ARHGAP6: variants seen among roughly 807,000 people sequenced by gnomAD.
ARHGAP6 encodes Rho GTPase activating protein 6.
ARHGAP6 carries 16 observed loss-of-function variants against 55.7 expected under a neutral mutation model. The ratio of observed to expected loss-of-function variants is 0.29; its 90% CI spans 0.19 to 0.44. The LOEUF is 0.44. Ranked by LOEUF, ARHGAP6 falls within the 20% of genes least tolerant of loss-of-function variation. The probability of loss-of-function intolerance (pLI) is 1.00; values close to 1 mark genes in which losing one functional copy is unlikely to be tolerated. For missense variants in ARHGAP6, 698 were observed against 808.9 expected, an observed-to-expected ratio of 0.86 and a Z score of 1.66; for synonymous variants, 382 against 360.9, an observed-to-expected ratio of 1.06 and a Z score of -0.66.
chrX:11,338,881 C>T (rs766418857), intron 1 of ARHGAP6, among the ~76,000 whole-genome samples: 43 of 112,112 alleles, frequency 3.8e-4, no homozygotes, highest in African/African-American at 8.8e-4. Context: ...TTTTGCTATA[C>T]GCACCCCTTT....
At chrX:11,405,088 G>A (rs1167144563) in intron 1 of ARHGAP6, among the ~76,000 whole-genome samples, 1 of 111,811 alleles carries the variant, frequency 8.9e-6, no homozygotes, top group Non-Finnish European at 1.9e-5. Flanking sequence ...AATATAAGGG[G>A]CTGCTGGCTG....
intron 8 of ARHGAP6, among the ~76,000 whole-genome samples, chrX:11,175,499 T>A (rs922862883): frequency 8.9e-6 from 1 of 111,944 alleles, no homozygotes; most frequent in African/African-American, 3.3e-5. Context: ...TCTCAACCAC[T>A]CTTCAAGGCT....
At chrX:11,603,893 T>C (rs1290690269) in intron 1 of ARHGAP6, among the ~76,000 whole-genome samples, 1 of 111,901 alleles carries the variant, frequency 8.9e-6, no homozygotes, top group Non-Finnish European at 1.9e-5. Context: ...CTATCAAAAA[T>C]GCTAACCCAA....
chrX:11,338,914 C>T (rs2048671436), intron 1 of ARHGAP6, among the ~76,000 whole-genome samples: 1 of 111,844 alleles, frequency 8.9e-6, no homozygotes, highest in East Asian at 2.8e-4. Context: ...CTTCACTAGC[C>T]ACTTGCTCTA....
intron 2 of ARHGAP6, among the ~76,000 whole-genome samples, chrX:11,219,369 A>G (rs200576574): frequency 0.052 from 4,551 of 87,399 alleles, 142 homozygotes; most frequent in Middle Eastern, 0.092. Flanking sequence ...TGTCTTTATA[A>G]CAGCATGATT....
intron 1 of ARHGAP6, among the ~76,000 whole-genome samples, chrX:11,567,815 T>C (rs2051463461): frequency 9.1e-6 from 1 of 109,989 alleles, no homozygotes; most frequent in South Asian, 3.9e-4. Flanking sequence ...GCTACAGGCA[T>C]GTACCACCAC....
chrX:11,193,133 G>A (rs776187328), intron 3 of ARHGAP6, among the ~76,000 whole-genome samples: 4 of 112,208 alleles, frequency 3.6e-5, no homozygotes, highest in Admixed American at 1.9e-4. Flanking sequence ...GTATATCAAG[G>A]CAATTAAATA....
chrX:11,639,526 T>G (rs1304513457), intron 1 of ARHGAP6, among the ~76,000 whole-genome samples: 1 of 111,272 alleles, frequency 9.0e-6, no homozygotes, highest in Non-Finnish European at 1.9e-5. Flanking sequence ...TCCATGTTCC[T>G]GCAAAGGAAG....
rs1235635843 is a variant in ARHGAP6 at position 11,142,313 on chromosome X, T to A, written c.2177A>T (p.Asp726Val). 1 of 1,181,884 alleles carries A rather than the reference T, an allele frequency of 8.5e-7. No individual in the cohort carries two copies. The highest frequency in any genetic ancestry group is 1.1e-6 in the Non-Finnish European group (1 of 877,211). ...GATATCGAAAGGCTCCTCTGACAGA[T>A]CTAGGGAAAAAGTGTATAAAAAGGT... is the stretch of plus-strand genomic sequence containing the variant. ...ESSPGPRLGK[D>V]LSEEPFDIWG... Residue 726 changes from aspartate (D) to valine (V), a missense_variant and splice_region_variant, in exon 12 of 13, where the codon GAT (aspartate) becomes GTT (valine). Physicochemically the swap from Asp to Val is radical, Grantham distance 152. Around this residue, in one of 3 missense-constraint regions of ARHGAP6, gnomAD observed 322 missense variants for 451.1 expected, o/e 0.71. Transcript: ENST00000337414.
intron 1 of ARHGAP6, among the ~76,000 whole-genome samples, chrX:11,365,545 TTAAG>T (rs1408159528): frequency 5.3e-5 from 6 of 112,631 alleles, no homozygotes; most frequent in African/African-American, 1.9e-4. Context: ...CTTAGCAATA[TTAAG>T]TAACGTATAT....
At chrX:11,599,232 C>T (rs2051941090) in intron 1 of ARHGAP6, among the ~76,000 whole-genome samples, 2 of 111,366 alleles carry the variant, frequency 1.8e-5, no homozygotes, top group African/African-American at 6.5e-5. Context: ...GCAGGTATCT[C>T]TCTGAGATCC....
At chrX:11,362,734 G>A (rs2049028956) in intron 1 of ARHGAP6, among the ~76,000 whole-genome samples, 1 of 110,584 alleles carries the variant, frequency 9.0e-6, no homozygotes, top group Non-Finnish European at 1.9e-5. Context: ...TTCCTCCCTT[G>A]TCTTCTAAGA....
chrX:11,358,384 C>T (rs2048959380), intron 1 of ARHGAP6, among the ~76,000 whole-genome samples: 2 of 111,002 alleles, frequency 1.8e-5, no homozygotes, highest in Admixed American at 9.6e-5. Context: ...GGTAGATAAC[C>T]AAGAGTGGAG....
At chrX:11,664,156 A>C (rs750419942) in intron 1 of ARHGAP6, 85 bp downstream of exon 1, 14 of 927,610 alleles carry the variant, frequency 1.5e-5, no homozygotes, top group Non-Finnish European at 2.1e-5. Flanking sequence ...CTTGCTCTGT[A>C]AATGTAATGG....
intron 1 of ARHGAP6, among the ~76,000 whole-genome samples, chrX:11,529,747 G>A (rs1429960460): frequency 9.0e-6 from 1 of 111,662 alleles, no homozygotes; most frequent in Non-Finnish European, 1.9e-5. Flanking sequence ...AGTAATATAT[G>A]CAGTATGAAA....
At chrX:11,606,111 T>C (rs1190719394) in intron 1 of ARHGAP6, among the ~76,000 whole-genome samples, 1 of 111,571 alleles carries the variant, frequency 9.0e-6, no homozygotes, top group Non-Finnish European at 1.9e-5. Flanking sequence ...TGTTGAAGAT[T>C]TTCAGGATGA....
chrX:11,566,614 T>A (rs754462315), intron 1 of ARHGAP6, among the ~76,000 whole-genome samples: 16 of 112,334 alleles, frequency 1.4e-4, no homozygotes, highest in Admixed American at 5.7e-4. Flanking sequence ...TCCTATTGTT[T>A]AGGGGGTTTG....
Position 11,139,128 on chromosome X carries a change from G to A in ARHGAP6, c.2660C>T (p.Pro887Leu), listed in dbSNP as rs888404273. ...DKRPPPPYPG[P>L]GKPAAAAAWI... The stretch of plus-strand genomic sequence containing the variant: ...GGCTGCCGCTGCCGCGGGCTTCCCT[G>A]GGCCCGGGTATGGAGGCGGGGGCCG... Residue 887 changes from proline (P) to leucine (L), a missense_variant, in exon 13 of 13, where the codon CCA becomes CTA. Physicochemically the swap from Pro to Leu is moderately conservative, Grantham distance 98. This residue lies in a region of ARHGAP6 where 212 missense variants were observed against 208.7 expected (regional missense o/e 1.02). Transcript: ENST00000337414. The A allele has an allele frequency of 1.1e-5, 13 of 1,205,733 alleles. No individual in the cohort carries two copies. The highest frequency in any genetic ancestry group is 1.5e-5 in the Non-Finnish European group (13 of 893,287).
intron 1 of ARHGAP6, among the ~76,000 whole-genome samples, chrX:11,412,468 T>C (rs1343015516): frequency 8.9e-6 from 1 of 112,518 alleles, no homozygotes; most frequent in Non-Finnish European, 1.9e-5. Flanking sequence ...ATTCTGCAGC[T>C]TTTTAGAGCT....
Sources: gnomAD v4.1 joint callset for allele counts (sites outside exome capture counted in the v4.1 genomes callset) on GRCh38, gnomAD v4.1.1 for gene constraint, gnomAD v4.1.1 regional missense constraint, MANE v1.5 for transcripts, NCBI Gene and HGNC (gene_info 2026-07-23, HGNC 2026-07-21) for gene names.